The following DGLUCY variants were observed in gnomAD, a reference collection of about 807,000 sequenced individuals.
DGLUCY encodes the protein D-glutamate cyclase, mitochondrial.
DGLUCY carries 58 observed loss-of-function variants against 58.5 expected under a neutral mutation model. That is an observed-to-expected ratio of 0.99 (90% CI 0.80 to 1.23). The LOEUF (loss-of-function observed/expected upper bound fraction) is 1.23. Ranked by LOEUF, DGLUCY falls within the 50% of genes most tolerant of loss-of-function variation. DGLUCY has a pLI of 0.00. For missense variants in DGLUCY, 779 were observed against 784.7 expected, an observed-to-expected ratio of 0.99 and a Z score of 0.09; for synonymous variants, 325 against 314.1, an observed-to-expected ratio of 1.03 and a Z score of -0.37.
chr14:91,118,602 CTT>C (rs1347585317), intron 1 of DGLUCY, among the ~76,000 whole-genome samples: 3 of 152,080 alleles, frequency 2.0e-5, no homozygotes, highest in Admixed American at 6.6e-5. Flanking sequence ...CAAAGAGTCT[CTT>C]TTATCTGTCT....
intron 1 of DGLUCY, among the ~76,000 whole-genome samples, chr14:91,156,186 T>C (rs1314509816): frequency 1.3e-5 from 2 of 151,814 alleles, no homozygotes; most frequent in Non-Finnish European, 2.9e-5. Context: ...TGATCTCGGC[T>C]CACTGCAACC....
intron 9 of DGLUCY, among the ~76,000 whole-genome samples, chr14:91,191,974 T>G (rs1398855350): frequency 1.3e-5 from 2 of 152,012 alleles, no homozygotes. Context: ...CTCAAACAAT[T>G]AAAAACAGCA....
At chr14:91,224,601 C>A in intron 13 of DGLUCY, 83 bp from the exon 14 acceptor site, 1 of 1,366,106 alleles carries the variant, frequency 7.3e-7, no homozygotes, top group East Asian at 2.5e-5. Flanking sequence ...GGCAAAGGAT[C>A]CTTCTCACTT....
chr14:91,102,787 T>TGTGTGTGTGTGTGTGTGTGTG (rs1159135941), intron 1 of DGLUCY, among the ~76,000 whole-genome samples: 4 of 36,974 alleles, frequency 1.1e-4, no homozygotes, highest in African/African-American at 2.3e-4. Context: ...GTGTGTGTGT[T>TGTGTGTGTGTGTGTGTGTGTG]TGAGACTGAG....
At chr14:91,189,303 G>T in intron 9 of DGLUCY, 133 bp downstream of exon 9, 2 of 1,201,632 alleles carry the variant, frequency 1.7e-6, no homozygotes, top group Non-Finnish European at 2.3e-6. Context: ...TGCATAGCTT[G>T]ATTTCATAGA....
At chr14:91,114,961 C>G (rs1292536454) in intron 1 of DGLUCY, 1 of 152,314 alleles carries the variant, frequency 6.6e-6, no homozygotes, top group Non-Finnish European at 1.5e-5. Context: ...TGCTTTGGAC[C>G]TGTGTACCCA....
intron 11 of DGLUCY, among the ~76,000 whole-genome samples, chr14:91,204,481 A>G (rs1251168149): frequency 6.6e-6 from 1 of 152,166 alleles, no homozygotes; most frequent in Non-Finnish European, 1.5e-5. Flanking sequence ...CCAAAAGGAG[A>G]CATGCCCACA....
chr14:91,067,499 TA>T (rs2043843140), intron 1 of DGLUCY, among the ~76,000 whole-genome samples: 1 of 152,076 alleles, frequency 6.6e-6, no homozygotes, highest in Admixed American at 6.6e-5. Flanking sequence ...TATACATAGA[TA>T]AGAAAGAAAA....
chr14:91,130,281 TTGAAG>T (rs2045955661), intron 1 of DGLUCY, among the ~76,000 whole-genome samples: 1 of 152,160 alleles, frequency 6.6e-6, no homozygotes, highest in South Asian at 2.1e-4. Context: ...TTAATTACTC[TTGAAG>T]TGAAGAATCT....
chr14:91,186,250 GCCC>G (rs201766859), intron 8 of DGLUCY, among the ~76,000 whole-genome samples: 2 of 151,322 alleles, frequency 1.3e-5, no homozygotes, highest in African/African-American at 4.9e-5. Context: ...TCTTCTCCTC[GCCC>G]CCCCTTTTTT....
At chr14:91,111,202 ATGTG>A (rs71120113), upstream of DGLUCY, among the ~76,000 whole-genome samples, 178 of 46,336 alleles carry the variant, frequency 3.8e-3, no homozygotes, top group African/African-American at 7.8e-3. Context: ...ATTTATATAT[ATGTG>A]TGTGTGTGTG....
At chr14:91,073,450 T>G (rs1264467234) in intron 1 of DGLUCY, among the ~76,000 whole-genome samples, 2 of 152,162 alleles carry the variant, frequency 1.3e-5, no homozygotes, top group Non-Finnish European at 2.9e-5. Flanking sequence ...CAAAAAAATT[T>G]TTTAAAAATT....
intron 3 of DGLUCY, among the ~76,000 whole-genome samples, chr14:91,164,901 G>GC (rs2048190861): frequency 6.6e-6 from 1 of 152,218 alleles, no homozygotes; most frequent in African/African-American, 2.4e-5. Context: ...AGCAAAACCA[G>GC]CCAGGCCTGT....
intron 1 of DGLUCY, among the ~76,000 whole-genome samples, chr14:91,140,098 G>C (rs74083974): frequency 1.3e-5 from 2 of 152,196 alleles, no homozygotes; most frequent in Non-Finnish European, 2.9e-5. Context: ...ACAGATTCTT[G>C]CATGACTCAG....
At chr14:91,191,743 G>A (rs115389906) in intron 9 of DGLUCY, among the ~76,000 whole-genome samples, 1,605 of 152,304 alleles carry the variant, frequency 0.011, 32 homozygotes, top group African/African-American at 0.037. Context: ...TGCAGGTACA[G>A]TCAACATGAT....
intron 10 of DGLUCY, among the ~76,000 whole-genome samples, 165 bp downstream of exon 10, chr14:91,196,639 G>A (rs2050232396): frequency 6.6e-6 from 1 of 151,768 alleles, no homozygotes; most frequent in Non-Finnish European, 1.5e-5. Context: ...AGGCTGGGGG[G>A]TTTCAAGGTA....
intron 4 of DGLUCY, chr14:91,167,856 G>A: frequency 1.7e-6 from 1 of 602,004 alleles, no homozygotes. Context: ...AGCACAGACT[G>A]GCATCTTCCC....
chr14:91,074,752 C>T (rs962449966), intron 1 of DGLUCY, among the ~76,000 whole-genome samples: 1 of 152,112 alleles, frequency 6.6e-6, no homozygotes, highest in African/African-American at 2.4e-5. Flanking sequence ...ATATTATTTT[C>T]TCTGAAGAGG....
Position 91,108,912 on chromosome 14 carries a change from A to G in DGLUCY, c.-82+851A>G, listed in dbSNP as rs575895067. Among the ~76,000 whole-genome samples the G allele has an allele frequency of 6.6e-5, 10 of 152,244 alleles. No individual in the cohort carries two copies. In the East Asian group the frequency reaches 1.9e-3, roughly 29 times the overall value. Reference sequence around the variant, plus strand: ...GATTGGTCTAGAAGCAATGTGGAGGATGAAGAAAGGGACCGGAGAGCAAGG... The same window carrying G: ...GATTGGTCTAGAAGCAATGTGGAGGGTGAAGAAAGGGACCGGAGAGCAAGG... On this transcript the variant is annotated intron_variant, in intron 1 of 4. Transcript: ENST00000518871.
Sources: gnomAD v4.1 joint callset for allele counts (sites outside exome capture counted in the v4.1 genomes callset) on GRCh38, gnomAD v4.1.1 for gene constraint, MANE v1.5 for transcripts, NCBI Gene and HGNC (gene_info 2026-07-23, HGNC 2026-07-21) for gene names.